Variants in SLC9A9 observed in about 807,000 individuals in gnomAD.
The protein encoded by SLC9A9 is solute carrier family 9 member A9.
SLC9A9 carries 62 observed loss-of-function variants against 77.8 expected under a neutral mutation model. The ratio of observed to expected loss-of-function variants is 0.80; its 90% CI spans 0.65 to 0.98. The LOEUF (loss-of-function observed/expected upper bound fraction) is 0.98, where lower values mean the gene tolerates loss of function less well. Among genes scored for constraint, SLC9A9 ranks in the 50% least tolerant of loss-of-function variants. SLC9A9 has a pLI of 0.00. For synonymous variants in SLC9A9, 320 were observed against 283.5 expected (o/e 1.13, Z -1.29); for missense variants, 775 against 774.9 (o/e 1.00, Z 0.00).
intron 14 of SLC9A9, among the ~76,000 whole-genome samples, chr3:143,327,925 CA>C (rs1299933191): frequency 6.6e-6 from 1 of 152,158 alleles, no homozygotes; most frequent in African/African-American, 2.4e-5. Context: ...TTTTATGTTC[CA>C]CTAGAAGTTG....
At chr3:143,708,520 T>C (rs1198519433) in intron 4 of SLC9A9, among the ~76,000 whole-genome samples, 2 of 152,180 alleles carry the variant, frequency 1.3e-5, no homozygotes, top group East Asian at 3.8e-4. Context: ...GAAAACTATG[T>C]TTAATACTCA....
intron 12 of SLC9A9, among the ~76,000 whole-genome samples, chr3:143,447,884 G>T (rs183576510): frequency 6.6e-6 from 1 of 152,180 alleles, no homozygotes; most frequent in African/African-American, 2.4e-5. Context: ...TGTAGTGTCA[G>T]CTACACAAAG....
chr3:143,709,309 C>T (rs1010859736), intron 4 of SLC9A9, among the ~76,000 whole-genome samples: 3 of 152,090 alleles, frequency 2.0e-5, no homozygotes, highest in African/African-American at 7.2e-5. Flanking sequence ...TAAAAAGCTC[C>T]TCCATTATTA....
rs111291437 is a variant in SLC9A9 at position 143,382,098 on chromosome 3, C to T, written c.1486G>A (p.Asp496Asn). Residue 496 changes from aspartate to asparagine, a missense_variant, in exon 13 of 16, where the codon GAT (aspartate) becomes AAT (asparagine). Transcript: ENST00000316549. ...WLQIRVGVDL[D>N]ENLKEDPSSQ... ...GAGGGGTCCTCCTTCAGATTTTCAT[C>T]CAGGTCCACGCCAACTCTGTTAAAC... 2,094 of 1,614,100 alleles carry T rather than the reference C, an allele frequency of 1.3e-3. 10 individuals carry two copies. Among genetic ancestry groups the T allele is most frequent in the South Asian group, 3.7e-3 (336 of 91,082 alleles).
chr3:143,290,566 C>A (rs2029908017), intron 14 of SLC9A9, among the ~76,000 whole-genome samples: 1 of 152,118 alleles, frequency 6.6e-6, no homozygotes, highest in Non-Finnish European at 1.5e-5. Context: ...ACGCTGTCAG[C>A]CATCACACAT....
chr3:143,636,677 G>A (rs192567429), intron 6 of SLC9A9, among the ~76,000 whole-genome samples: 11 of 152,132 alleles, frequency 7.2e-5, no homozygotes, highest in South Asian at 2.1e-4. Flanking sequence ...TTATGTCCAC[G>A]TGTACCCATT....
chr3:143,694,408 C>T (rs1481423106), intron 4 of SLC9A9, among the ~76,000 whole-genome samples: 1 of 152,002 alleles, frequency 6.6e-6, no homozygotes, highest in Non-Finnish European at 1.5e-5. Flanking sequence ...CAGTAATAGC[C>T]CACAGAATTG....
At chr3:143,323,740 A>C (rs1017698845) in intron 14 of SLC9A9, among the ~76,000 whole-genome samples, 2 of 152,204 alleles carry the variant, frequency 1.3e-5, no homozygotes, top group East Asian at 1.9e-4. Context: ...TGATCGGTAC[A>C]CATTATATAC....
chr3:143,317,110 C>T (rs1021590056), intron 14 of SLC9A9, among the ~76,000 whole-genome samples: 4 of 152,160 alleles, frequency 2.6e-5, no homozygotes, highest in Admixed American at 6.5e-5. Context: ...AGACCTCCTC[C>T]AAGAGAAAAA....
At chr3:143,613,871 GA>G (rs2038061625) in intron 6 of SLC9A9, among the ~76,000 whole-genome samples, 12 of 151,856 alleles carry the variant, frequency 7.9e-5, no homozygotes, top group Admixed American at 7.9e-4. Flanking sequence ...TCTTTCATAT[GA>G]AATTAAAATA....
intron 11 of SLC9A9, among the ~76,000 whole-genome samples, chr3:143,468,690 T>C (rs1156420762): frequency 1.3e-5 from 2 of 152,340 alleles, no homozygotes; most frequent in African/African-American, 4.8e-5. Flanking sequence ...TATGGACCAC[T>C]GAAAATTAAA....
chr3:143,609,469 G>T (rs1381450083), intron 6 of SLC9A9, among the ~76,000 whole-genome samples: 1 of 152,130 alleles, frequency 6.6e-6, no homozygotes, highest in African/African-American at 2.4e-5. Flanking sequence ...TAGGAATGTT[G>T]TAGCTATTGA....
chr3:143,533,297 C>A (rs2036544231), intron 9 of SLC9A9, among the ~76,000 whole-genome samples: 1 of 152,188 alleles, frequency 6.6e-6, no homozygotes, highest in African/African-American at 2.4e-5. Flanking sequence ...AGGCTGAGAA[C>A]CCAGGTCTTC....
intron 8 of SLC9A9, among the ~76,000 whole-genome samples, chr3:143,556,960 T>C (rs1559966518): frequency 6.6e-6 from 1 of 152,228 alleles, no homozygotes; most frequent in Non-Finnish European, 1.5e-5. Flanking sequence ...TTTTCAGTTG[T>C]ACCTATGGTT....
intron 6 of SLC9A9, among the ~76,000 whole-genome samples, chr3:143,629,205 A>G (rs1486271837): frequency 1.1e-4 from 16 of 152,208 alleles, no homozygotes. Flanking sequence ...TAATTTATCA[A>G]TTAATAGACA....
intron 13 of SLC9A9, among the ~76,000 whole-genome samples, chr3:143,374,967 C>G (rs1032271156): frequency 3.9e-5 from 6 of 152,168 alleles, no homozygotes; most frequent in African/African-American, 1.4e-4. Context: ...AACCATCCTT[C>G]TACTCTCTAG....
intron 9 of SLC9A9, among the ~76,000 whole-genome samples, chr3:143,528,678 A>C (rs2036449588): frequency 6.6e-6 from 1 of 152,128 alleles, no homozygotes; most frequent in South Asian, 2.1e-4. Flanking sequence ...GGTCTAAACT[A>C]TCAAATAGCA....
chr3:143,318,741 G>A (rs2031312344), intron 14 of SLC9A9, among the ~76,000 whole-genome samples: 2 of 152,054 alleles, frequency 1.3e-5, no homozygotes, highest in Non-Finnish European at 1.5e-5. Context: ...CCTGCCTGAA[G>A]GTATAAGACC....
intron 6 of SLC9A9, among the ~76,000 whole-genome samples, chr3:143,630,039 A>G (rs188725498): frequency 2.0e-4 from 31 of 152,280 alleles, no homozygotes; most frequent in Admixed American, 1.2e-3. Context: ...GGCTCAATGA[A>G]AAAACAAAAA....
Sources: gnomAD v4.1 joint callset for allele counts (sites outside exome capture counted in the v4.1 genomes callset) on GRCh38, gnomAD v4.1.1 for gene constraint, MANE v1.5 for transcripts, NCBI Gene and HGNC (gene_info 2026-07-23, HGNC 2026-07-21) for gene names.